The following SLC8A1 variants were observed in gnomAD, a reference collection of about 807,000 sequenced individuals.
SLC8A1 encodes sodium/calcium exchanger 1.
A neutral mutation model predicts 68.3 loss-of-function variants in SLC8A1; 18 were observed. That is an observed-to-expected ratio of 0.26 (90% CI 0.18 to 0.39). The LOEUF is 0.39. Ranked by LOEUF, SLC8A1 falls within the 10% of genes least tolerant of loss-of-function variation. The probability of loss-of-function intolerance (pLI) is 1.00; values close to 1 mark genes in which losing one functional copy is unlikely to be tolerated. For synonymous variants in SLC8A1, 475 were observed against 415.5 expected, an observed-to-expected ratio of 1.14 and a Z score of -1.74; for missense variants, 985 against 1,156.7, an observed-to-expected ratio of 0.85 and a Z score of 2.15.
intron 1 of SLC8A1, among the ~76,000 whole-genome samples, chr2:40,496,951 C>G (rs1189839504): frequency 6.8e-6 from 1 of 148,086 alleles, no homozygotes; most frequent in East Asian, 2.1e-4. Context: ...GGAGGGATAG[C>G]ATTGGGAGAT....
intron 1 of SLC8A1, among the ~76,000 whole-genome samples, chr2:40,469,663 G>A (rs1188037122): frequency 6.6e-6 from 1 of 151,966 alleles, no homozygotes; most frequent in Non-Finnish European, 1.5e-5. Flanking sequence ...CACACATTCT[G>A]GAATTTGCTG....
intron 1 of SLC8A1, among the ~76,000 whole-genome samples, chr2:40,485,374 G>A (rs1203466372): frequency 6.6e-6 from 1 of 152,094 alleles, no homozygotes; most frequent in Admixed American, 6.5e-5. Flanking sequence ...AGAATAGTGG[G>A]CATTTAAAAA....
intron 1 of SLC8A1, among the ~76,000 whole-genome samples, chr2:40,478,637 C>T (rs1704439806): frequency 6.6e-6 from 1 of 151,988 alleles, no homozygotes; most frequent in African/African-American, 2.4e-5. Context: ...TCTGAAAAAT[C>T]AATATCTGAT....
At chr2:40,327,048 C>A (rs931487037) in intron 2 of SLC8A1, among the ~76,000 whole-genome samples, 5 of 152,038 alleles carry the variant, frequency 3.3e-5, no homozygotes, top group Non-Finnish European at 7.4e-5. Flanking sequence ...TACAATATAC[C>A]TATTTTAAAA....
intron 2 of SLC8A1, among the ~76,000 whole-genome samples, chr2:40,278,426 G>A (rs752467903): frequency 1.6e-4 from 25 of 152,100 alleles, no homozygotes; most frequent in African/African-American, 4.8e-4. Flanking sequence ...CCAAGATCGC[G>A]CCACTGCACT....
chr2:40,104,501 A>G (rs1011211469), exon 8 of SLC8A1: 3 of 152,276 alleles, frequency 2.0e-5, no homozygotes, highest in Non-Finnish European at 2.9e-5. Context: ...TAATATTTCT[A>G]TTTCTGTTAG....
chr2:40,248,410 A>G (rs1223932780), intron 2 of SLC8A1, among the ~76,000 whole-genome samples: 1 of 152,102 alleles, frequency 6.6e-6, no homozygotes, highest in African/African-American at 2.4e-5. Flanking sequence ...GAGGCCCTGG[A>G]CATCTCCCTT....
intron 1 of SLC8A1, among the ~76,000 whole-genome samples, chr2:40,493,925 T>C (rs1705507796): frequency 6.6e-6 from 1 of 151,896 alleles, no homozygotes; most frequent in Non-Finnish European, 1.5e-5. Flanking sequence ...TCTTTTTTCC[T>C]TTCCTTCCTT....
intron 2 of SLC8A1, among the ~76,000 whole-genome samples, chr2:40,420,839 A>G (rs1010209376): frequency 2.0e-5 from 3 of 151,956 alleles, no homozygotes; most frequent in Non-Finnish European, 2.9e-5. Context: ...ACAGCCCTGA[A>G]TAAGACTCTA....
intron 2 of SLC8A1, among the ~76,000 whole-genome samples, chr2:40,236,857 T>C (rs1394899009): frequency 6.6e-6 from 1 of 151,232 alleles, no homozygotes; most frequent in Non-Finnish European, 1.5e-5. Context: ...CCTTCGCTTA[T>C]GAAGCTTAGT....
chr2:40,232,244 G>GC (rs535378828), intron 2 of SLC8A1, among the ~76,000 whole-genome samples: 11 of 152,052 alleles, frequency 7.2e-5, no homozygotes, highest in Non-Finnish European at 1.5e-4. Context: ...TTAACTCTGG[G>GC]CACCTACACT....
At chr2:40,205,000 G>A (rs1236787173) in intron 2 of SLC8A1, among the ~76,000 whole-genome samples, 1 of 151,840 alleles carries the variant, frequency 6.6e-6, no homozygotes, top group Non-Finnish European at 1.5e-5. Flanking sequence ...TCTATTTCAG[G>A]AGTACAGTGC....
At chr2:40,321,309 A>C (rs1414140488) in intron 2 of SLC8A1, among the ~76,000 whole-genome samples, 1 of 152,162 alleles carries the variant, frequency 6.6e-6, no homozygotes, top group African/African-American at 2.4e-5. Context: ...AAGTAAATTA[A>C]GACATTTATA....
intron 1 of SLC8A1, among the ~76,000 whole-genome samples, chr2:40,450,587 G>C (rs1702261284): frequency 6.6e-6 from 1 of 152,148 alleles, no homozygotes; most frequent in Non-Finnish European, 1.5e-5. Flanking sequence ...CAGGACGCTT[G>C]TACTGTCTTC....
exon 8 of SLC8A1, chr2:40,101,482 G>A (rs574536739): frequency 6.7e-4 from 102 of 151,900 alleles, no homozygotes; most frequent in African/African-American, 2.2e-3. Flanking sequence ...GTCAGGCAAA[G>A]TAGATCAGCT....
At chr2:40,417,885 A>G (rs1387169658) in intron 2 of SLC8A1, among the ~76,000 whole-genome samples, 2 of 152,042 alleles carry the variant, frequency 1.3e-5, no homozygotes, top group Non-Finnish European at 2.9e-5. Flanking sequence ...ACACACACAC[A>G]CACACACACA....
At chr2:40,432,401 T>TGTGTGTGTG (rs1553607883) in intron 1 of SLC8A1, among the ~76,000 whole-genome samples, 3 of 128,732 alleles carry the variant, frequency 2.3e-5, no homozygotes, top group Non-Finnish European at 4.8e-5. Context: ...GAGTGTGAGA[T>TGTGTGTGTG]TGTGTGTGTG....
intron 1 of SLC8A1, among the ~76,000 whole-genome samples, chr2:40,441,499 C>A (rs1700478362): frequency 6.6e-6 from 1 of 152,064 alleles, no homozygotes; most frequent in Non-Finnish European, 1.5e-5. Context: ...ATCACACTAC[C>A]TGACTTCAAA....
At chr2:40,234,069 CT>C (rs2060037578) in intron 2 of SLC8A1, among the ~76,000 whole-genome samples, 1 of 152,196 alleles carries the variant, frequency 6.6e-6, no homozygotes, top group East Asian at 1.9e-4. Context: ...TTAGGACTGA[CT>C]TGGTGATGCA....
Sources: gnomAD v4.1 joint callset for allele counts (sites outside exome capture counted in the v4.1 genomes callset) on GRCh38, gnomAD v4.1.1 for gene constraint, MANE v1.5 for transcripts, NCBI Gene and HGNC (gene_info 2026-07-23, HGNC 2026-07-21) for gene names.